GPC6: variants seen among roughly 807,000 people sequenced by gnomAD.
The protein encoded by GPC6 is glypican-6.
Under a neutral mutation model 55.2 loss-of-function variants are expected in GPC6, and 14 were observed. The ratio of observed to expected loss-of-function variants is 0.25; its 90% CI spans 0.17 to 0.40. GPC6 has a LOEUF of 0.40. Ranked by LOEUF, GPC6 falls within the 10% of genes least tolerant of loss-of-function variation. GPC6 has a pLI of 1.00. For synonymous variants in GPC6, 278 were observed against 259.6 expected (o/e 1.07, Z -0.68); for missense variants, 641 against 708.5 (o/e 0.90, Z 1.08).
chr13:94,283,424 G>A (rs1892444091), intron 4 of GPC6, among the ~76,000 whole-genome samples: 1 of 152,218 alleles, frequency 6.6e-6, no homozygotes. Context: ...CTGGGCACCT[G>A]ACTCCACAGT....
At chr13:93,301,527 T>G (rs1878681171) in intron 1 of GPC6, among the ~76,000 whole-genome samples, 1 of 152,202 alleles carries the variant, frequency 6.6e-6, no homozygotes. Flanking sequence ...GTTAATTTTA[T>G]GCAGTCTGTG....
rs552595090 is a variant in GPC6, at chr13:94,381,023, C to A, written c.1153-1391C>A. On this transcript the variant is annotated intron_variant, in intron 6 of 8. Coordinates refer to ENST00000377047, the MANE Select transcript of GPC6 (RefSeq NM_005708.5). ...ATTTGGGGCTGCCTAAGTGATGTGT[C>A]CATCTTGGGACATCACATCAGGAGG... Among the ~76,000 whole-genome samples the A allele has an allele frequency of 2.6e-5, 4 of 152,250 alleles. No individual in the cohort carries two copies. The East Asian group carries it at 5.8e-4, about 22-fold the overall frequency.
intron 7 of GPC6, among the ~76,000 whole-genome samples, chr13:94,393,624 G>A (rs1008923266): frequency 6.6e-6 from 1 of 152,120 alleles, no homozygotes; most frequent in African/African-American, 2.4e-5. Context: ...ATGCACCTGA[G>A]AAGAAGCCCA....
At chr13:94,225,810 C>T (rs1377665577) in intron 4 of GPC6, among the ~76,000 whole-genome samples, 6 of 151,996 alleles carry the variant, frequency 3.9e-5, no homozygotes, top group Admixed American at 6.6e-5. Context: ...ACCAATGCAT[C>T]GTTCAGTATT....
At chr13:93,418,921 A>T (rs143497858) in intron 1 of GPC6, among the ~76,000 whole-genome samples, 2,692 of 151,294 alleles carry the variant, frequency 0.018, 68 homozygotes, top group African/African-American at 0.062. Flanking sequence ...TTATTTTATT[A>T]ATAGCACTAT....
At chr13:93,943,697 C>T (rs1457316391) in intron 3 of GPC6, among the ~76,000 whole-genome samples, 2 of 152,026 alleles carry the variant, frequency 1.3e-5, no homozygotes, top group Admixed American at 6.6e-5. Context: ...ATTTCTTCAC[C>T]CTCCTGGGTC....
intron 2 of GPC6, among the ~76,000 whole-genome samples, chr13:93,819,494 A>G (rs997764809): frequency 1.3e-5 from 2 of 152,248 alleles, no homozygotes; most frequent in African/African-American, 2.4e-5. Context: ...CTTTAGGTGC[A>G]TAAAGGGTTA....
chr13:93,908,459 C>G (rs1032388748), intron 3 of GPC6, among the ~76,000 whole-genome samples: 1 of 152,170 alleles, frequency 6.6e-6, no homozygotes, highest in African/African-American at 2.4e-5. Context: ...AATAAATCTC[C>G]TAAAGCCAGT....
chr13:93,616,301 G>A (rs576050976), intron 2 of GPC6, among the ~76,000 whole-genome samples: 1 of 152,192 alleles, frequency 6.6e-6, no homozygotes, highest in South Asian at 2.1e-4. Flanking sequence ...AACAGAGGAT[G>A]TACGAATACT....
intron 2 of GPC6, among the ~76,000 whole-genome samples, chr13:93,593,651 T>C (rs1170530598): frequency 6.6e-6 from 1 of 152,146 alleles, no homozygotes; most frequent in African/African-American, 2.4e-5. Context: ...TAGGTAAAAA[T>C]ATCCAATTAT....
chr13:93,791,022 T>C (rs9516287), intron 2 of GPC6, among the ~76,000 whole-genome samples: 50,430 of 152,012 alleles, frequency 0.33, 8,811 homozygotes, highest in African/African-American at 0.44. Flanking sequence ...AGAGGAACCA[T>C]GGAGGAGCCT....
intron 2 of GPC6, among the ~76,000 whole-genome samples, chr13:93,726,151 C>CACACACAT (rs1883632022): frequency 7.4e-6 from 1 of 135,694 alleles, no homozygotes; most frequent in Admixed American, 7.6e-5. Flanking sequence ...CACACACACA[C>CACACACAT]ATATCAAGCA....
At position 94,097,047 on chromosome 13, in the gene GPC6, T is replaced by TATTATGATAAATAGGTTAAC. The variant is rs1566400601; in HGVS notation, c.877+69154_877+69155insTTATGATAAATAGGTTAACA. Among the ~76,000 whole-genome samples the TATTATGATAAATAGGTTAAC allele has an allele frequency of 3.8e-3, 574 of 151,440 alleles. 8 individuals carry two copies. Among genetic ancestry groups the TATTATGATAAATAGGTTAAC allele is most frequent in the African/African-American group, 0.013 (552 of 40,986 alleles). ...ACACCTATTATGATAAATAGGTTAA[T>TATTATGATAAATAGGTTAAC]ACCTATTATGCACTTAGCACAGTGC... On this transcript the variant is annotated intron_variant, in intron 4 of 8. Transcript: ENST00000377047.
intron 2 of GPC6, among the ~76,000 whole-genome samples, chr13:93,789,595 CTACATATATATATATATA>C (rs1885942408): frequency 1.8e-5 from 1 of 54,204 alleles, no homozygotes; most frequent in Non-Finnish European, 3.6e-5. Flanking sequence ...ATATATAATA[CTACATATATATATATATA>C]TATATATATA....
intron 1 of GPC6, among the ~76,000 whole-genome samples, chr13:93,464,664 C>G (rs1262670598): frequency 6.6e-6 from 1 of 152,136 alleles, no homozygotes; most frequent in Non-Finnish European, 1.5e-5. Context: ...TTGGACCCCT[C>G]CAAGTCATCT....
At chr13:93,266,369 A>G (rs969671174) in intron 1 of GPC6, among the ~76,000 whole-genome samples, 1 of 152,166 alleles carries the variant, frequency 6.6e-6, no homozygotes, top group African/African-American at 2.4e-5. Flanking sequence ...GTAGCTCATG[A>G]CCTTAACAGG....
intron 6 of GPC6, among the ~76,000 whole-genome samples, chr13:94,341,179 T>C (rs749857651): frequency 4.6e-5 from 7 of 152,228 alleles, no homozygotes; most frequent in African/African-American, 7.2e-5. Context: ...ATTAACTTCA[T>C]TGGGCAGATG....
intron 3 of GPC6, among the ~76,000 whole-genome samples, chr13:93,988,781 C>G (rs770291106): frequency 6.6e-6 from 1 of 152,046 alleles, no homozygotes; most frequent in Non-Finnish European, 1.5e-5. Flanking sequence ...ACGGGGGACA[C>G]AAACATTCAA....
rs548152542 is a variant in GPC6 at position 93,644,036 on chromosome 13, A to G, written c.319+98615A>G. On this transcript the variant is annotated intron_variant, in intron 2 of 8. Coordinates refer to ENST00000377047, the MANE Select transcript of GPC6 (RefSeq NM_005708.5). Reference sequence around the variant, plus strand: ...GAGTGGTAATTTATCACTTTAAGCTATGTAATCCCATCAGCTTGTAAGTAT... The same window carrying G: ...GAGTGGTAATTTATCACTTTAAGCTGTGTAATCCCATCAGCTTGTAAGTAT... Among the ~76,000 whole-genome samples, 5 of 152,132 alleles carry G rather than the reference A, an allele frequency of 3.3e-5. No homozygotes were observed. In the South Asian group the frequency reaches 8.3e-4, roughly 25 times the overall value.
Sources: allele counts gnomAD v4.1 joint callset (sites outside exome capture counted in the v4.1 genomes callset), GRCh38; gene constraint gnomAD v4.1.1; transcripts MANE v1.5; gene names NCBI Gene and HGNC (gene_info 2026-07-23, HGNC 2026-07-21).